Variants in UBE2O observed in about 807,000 individuals in gnomAD.
UBE2O encodes (E3-independent) E2 ubiquitin-conjugating enzyme.
A neutral mutation model predicts 125.8 loss-of-function variants in UBE2O; 15 were observed. The ratio of observed to expected loss-of-function variants is 0.12; its 90% CI spans 0.08 to 0.18. The LOEUF is 0.18. UBE2O is among the 10% of genes least tolerant of loss of function. The probability of loss-of-function intolerance (pLI) is 1.00; values close to 1 mark genes in which losing one functional copy is unlikely to be tolerated. For missense variants in UBE2O, 1,280 were observed against 1,723.6 expected, an observed-to-expected ratio of 0.74 and a Z score of 4.56; for synonymous variants, 708 against 703.2, an observed-to-expected ratio of 1.01 and a Z score of -0.11.
chr17:76,432,814 T>C (rs1202482813), intron 1 of UBE2O, among the ~76,000 whole-genome samples: 1 of 152,170 alleles, frequency 6.6e-6, no homozygotes, highest in Non-Finnish European at 1.5e-5. Flanking sequence ...GATATACACA[T>C]GGCCAATAAG....
intron 1 of UBE2O, among the ~76,000 whole-genome samples, chr17:76,445,259 ATTTTT>A (rs1048727447): frequency 6.8e-6 from 1 of 146,550 alleles, no homozygotes; most frequent in Non-Finnish European, 1.5e-5. Context: ...CAGTGTTTTA[ATTTTT>A]TTTTTTACTT....
chr17:76,424,705 T>G (rs2072775605), intron 1 of UBE2O, among the ~76,000 whole-genome samples: 1 of 151,704 alleles, frequency 6.6e-6, no homozygotes, highest in Non-Finnish European at 1.5e-5. Context: ...TAAGACCCTA[T>G]CTCTACATAA....
chr17:76,391,281 C>G lies in UBE2O; in HGVS notation c.3541G>C (p.Gly1181Arg). ...PPAVAELSDS[G>R]QQEPEDGGPA... ...CCTCCATCCTCAGGTTCTTGTTGGCCGGAGTCTGACAGCTCGGCTACAGCT... is the reference window on the plus strand; with the variant it reads ...CCTCCATCCTCAGGTTCTTGTTGGCGGGAGTCTGACAGCTCGGCTACAGCT... Residue 1181 changes from glycine to arginine, a missense_variant, in exon 18 of 18, where the codon GGC becomes CGC. Physicochemically the swap from Gly to Arg is moderately radical, Grantham distance 125 (BLOSUM62 -2). Transcript: ENST00000319380. The surrounding 1 kb of genome is among the most constrained non-coding windows in gnomAD (Gnocchi z 8.4). 6.2e-7 allele frequency: 1 copy of G among 1,612,802 alleles called. No homozygotes were observed. Among genetic ancestry groups the G allele is most frequent in the Admixed American group, 1.7e-5 (1 of 60,026 alleles).
chr17:76,434,035 C>T (rs997057662), intron 1 of UBE2O, among the ~76,000 whole-genome samples: 2 of 152,220 alleles, frequency 1.3e-5, no homozygotes, highest in African/African-American at 2.4e-5. Flanking sequence ...ACATCTTCTA[C>T]TCTTAGAAAT....
rs955567117 is a variant in UBE2O, at chr17:76,425,127, T to G, written c.418-19555A>C. Among the ~76,000 whole-genome samples, 5 of 150,050 alleles carry G rather than the reference T, an allele frequency of 3.3e-5. No homozygotes were observed. In the South Asian group the frequency reaches 1.1e-3, roughly 32 times the overall value. On this transcript the variant is annotated intron_variant, in intron 1 of 17. Coordinates refer to ENST00000319380, the MANE Select transcript of UBE2O (RefSeq NM_022066.4). ...ACCTCGTGATCCACCCGTCTGGGCC[T>G]CCTGAAGTGCTGGGATTACAGGCGT...
intron 1 of UBE2O, among the ~76,000 whole-genome samples, chr17:76,436,666 C>A (rs1275750042): frequency 6.6e-6 from 1 of 152,158 alleles, no homozygotes; most frequent in African/African-American, 2.4e-5. Context: ...TCCAAGGTTC[C>A]TCACAACTCC....
rs562139965 is a variant in UBE2O at position 76,424,866 on chromosome 17, T to A, written c.418-19294A>T. On this transcript the variant is annotated intron_variant, in intron 1 of 17. Transcript: ENST00000319380. The stretch of plus-strand genomic sequence containing the variant: ...ACCTGTTTCTTTTTTTTTTTTTATT[T>A]TTTATTTTTTTTTTTTGAGACAGAG... 4.0e-3 allele frequency among the ~76,000 whole-genome samples: 610 copies of A among 151,246 alleles called. 2 individuals carry two copies. The highest frequency in any genetic ancestry group is 0.014 in the African/African-American group (576 of 41,224).
intron 1 of UBE2O, among the ~76,000 whole-genome samples, chr17:76,429,948 T>G (rs1452392464): frequency 6.6e-6 from 1 of 152,230 alleles, no homozygotes; most frequent in African/African-American, 2.4e-5. Flanking sequence ...ATTTTCTGGT[T>G]TGCAGAATTC....
At chr17:76,444,227 A>C (rs1241878231) in intron 1 of UBE2O, among the ~76,000 whole-genome samples, 1 of 151,890 alleles carries the variant, frequency 6.6e-6, no homozygotes, top group Non-Finnish European at 1.5e-5. Flanking sequence ...TCTCACAAAC[A>C]AAGCAAAACA....
intron 15 of UBE2O, 49 bp from the exon 16 acceptor site, chr17:76,392,162 G>C: frequency 8.0e-7 from 1 of 1,254,812 alleles, no homozygotes. Context: ...GGGTGGAAGG[G>C]GGTGTCCTAC....
chr17:76,418,162 G>C (rs909142471), intron 1 of UBE2O, among the ~76,000 whole-genome samples: 1 of 152,192 alleles, frequency 6.6e-6, no homozygotes, highest in Non-Finnish European at 1.5e-5. Context: ...ATAGAGAACA[G>C]ACACCAACAT....
In UBE2O at chr17:76,396,496, A is replaced by T. The variant is rs2072211323; in HGVS notation, c.2441T>A (p.Leu814Ter). ...KDGPPKSFRE[L>*]KEAIKILESL... Reference sequence around the variant, plus strand: ...CTCCAGGATCTTGATGGCCTCTTTCAACTCCCGGAAGCTCTTGGGTGGCCC... The same window carrying T: ...CTCCAGGATCTTGATGGCCTCTTTCTACTCCCGGAAGCTCTTGGGTGGCCC... Residue 814 changes from leucine to a stop codon, truncating the protein, a stop_gained, in exon 14 of 18, where the codon TTG (leucine) becomes TAG (stop). Transcript: ENST00000319380. LOFTEE classifies it high-confidence loss of function. This position sits in a 1 kb window ranked among gnomAD's most constrained non-coding sequence, Gnocchi z 6.7. 6.2e-7 allele frequency: 1 copy of T among 1,613,618 alleles called. No homozygotes were observed. The highest frequency in any genetic ancestry group is 1.3e-5 in the African/African-American group (1 of 74,802).
At chr17:76,424,244 T>C (rs1415664706) in intron 1 of UBE2O, among the ~76,000 whole-genome samples, 24 of 142,468 alleles carry the variant, frequency 1.7e-4, no homozygotes, top group African/African-American at 6.3e-4. Flanking sequence ...ATTTAACTTT[T>C]GTTGCCCAGC....
intron 1 of UBE2O, among the ~76,000 whole-genome samples, chr17:76,427,682 G>A (rs2072834535): frequency 6.6e-6 from 1 of 152,202 alleles, no homozygotes; most frequent in Non-Finnish European, 1.5e-5. Flanking sequence ...GTGCCAGCTC[G>A]GGCATTCCTG....
chr17:76,438,791 C>T (rs1189733604), intron 1 of UBE2O, among the ~76,000 whole-genome samples: 9 of 152,238 alleles, frequency 5.9e-5, no homozygotes, highest in African/African-American at 4.8e-5. Context: ...CCACTGAATA[C>T]GGAATGAAGA....
rs2072099359 is a variant in UBE2O, at chr17:76,390,952, C to T, written c.3870G>A (p.Glu1290=). The T allele has an allele frequency of 6.2e-7, 1 of 1,605,224 alleles. No individual in the cohort carries two copies. Among genetic ancestry groups the T allele is most frequent in the East Asian group, 2.2e-5 (1 of 44,814 alleles). The change falls in exon 18 of 18, where the codon GAG becomes GAA. Residue 1290 remains glutamate (E), a synonymous_variant. Coordinates refer to ENST00000319380, the MANE Select transcript of UBE2O (RefSeq NM_022066.4). The part of the protein sequence containing the change: ...LLEAGMPECT[E]DK ...CCTCTGTGCCTGGCAGCTACTTGTCCTCTGTGCACTCCGGCATGCCTGCCT... is the reference window on the plus strand; with the variant it reads ...CCTCTGTGCCTGGCAGCTACTTGTCTTCTGTGCACTCCGGCATGCCTGCCT...
Position 76,452,763 on chromosome 17 carries a change from AC to A in UBE2O, c.378del (p.Trp126CysfsTer10). On this transcript the variant is annotated frameshift_variant, in exon 1 of 18. Coordinates refer to ENST00000319380, the MANE Select transcript of UBE2O (RefSeq NM_022066.4). LOFTEE classifies it high-confidence loss of function. The surrounding 1 kb of genome is among the most constrained non-coding windows in gnomAD (Gnocchi z 4.4). ...PLRRGYVRVQ[W>X]YPEGVKQHVK... ...ACATGCTGCTTGACGCCCTCCGGGTACCACTGGACGCGCACGTAGCCGCGGC... is the reference window on the plus strand; with the variant it reads ...ACATGCTGCTTGACGCCCTCCGGGTACACTGGACGCGCACGTAGCCGCGGC... 1 of 1,515,408 alleles carries A rather than the reference AC, an allele frequency of 6.6e-7. No individual in the cohort carries two copies. The highest frequency in any genetic ancestry group is 8.8e-7 in the Non-Finnish European group (1 of 1,140,126). 93.9% of individuals were successfully genotyped at this position (1,515,408 alleles called of 1,614,324 possible). A position where few individuals can be genotyped will look rare whatever the true frequency, so the allele number is the denominator to read the frequency against.
In UBE2O at chr17:76,390,842, T is replaced by C. The variant is rs1000212197; in HGVS notation, c.*101A>G. On this transcript the variant is annotated 3_prime_UTR_variant, in exon 18 of 18. Transcript: ENST00000319380. Reference sequence around the variant, plus strand: ...GGAGAAGAGGGCAGTGGGTTTGCAGTGGGGACAGAGGGGCATGGGAAGAGG... The same window carrying C: ...GGAGAAGAGGGCAGTGGGTTTGCAGCGGGGACAGAGGGGCATGGGAAGAGG... The C allele has an allele frequency of 1.6e-6, 2 of 1,242,372 alleles. No homozygotes were observed. The highest frequency in any genetic ancestry group is 3.0e-5 in the African/African-American group (2 of 66,124). 77.0% of individuals were successfully genotyped at this position (1,242,372 alleles called of 1,614,324 possible).
intron 1 of UBE2O, among the ~76,000 whole-genome samples, chr17:76,424,039 C>A (rs1234003419): frequency 6.6e-6 from 1 of 150,976 alleles, no homozygotes; most frequent in Non-Finnish European, 1.5e-5. Context: ...TCCTGAGTAG[C>A]TGGGACTACA....
Sources: allele counts gnomAD v4.1 joint callset (sites outside exome capture counted in the v4.1 genomes callset), GRCh38; gene constraint gnomAD v4.1.1; non-coding constraint Gnocchi (gnomAD v3.1); transcripts MANE v1.5; gene names NCBI Gene and HGNC (gene_info 2026-07-23, HGNC 2026-07-21).